The following CCND3 variants were observed in gnomAD, a reference collection of about 807,000 sequenced individuals.
CCND3 encodes the protein cyclin D3.
In CCND3, 9 loss-of-function variants were observed where a neutral mutation model predicts 28.7. That is an observed-to-expected ratio of 0.31 (90% confidence interval 0.19 to 0.55). CCND3 has a LOEUF of 0.55. CCND3 is among the 20% of genes least tolerant of loss of function. CCND3 has a pLI of 0.93. For missense variants in CCND3, 315 were observed against 385.8 expected (o/e 0.82, Z 1.54); for synonymous variants, 164 against 163.9 (o/e 1.00, Z 0.00).
At chr6:42,029,301 T>C (rs1286149513) in intron 1 of CCND3, among the ~76,000 whole-genome samples, 1 of 152,106 alleles carries the variant, frequency 6.6e-6, no homozygotes, top group Non-Finnish European at 1.5e-5. Context: ...TTGAAATTCT[T>C]AATAGTTTTT....
intron 1 of CCND3, chr6:42,031,296 C>A (rs1764035475): frequency 6.6e-6 from 1 of 152,270 alleles, no homozygotes; most frequent in Non-Finnish European, 1.5e-5. Context: ...ACTTCACCCA[C>A]CCCTAACTGC....
chr6:41,935,858 TG>T lies in CCND3; in HGVS notation c.*81del. On this transcript the variant is annotated 3_prime_UTR_variant, in exon 5 of 5. Coordinates refer to ENST00000372991, the MANE Select transcript of CCND3 (RefSeq NM_001760.5). ...ACAGACGCCCCTTCAGGCTTAGATGTGGTGTGGTTCCTGGAGGCAGGGAGGT... is the reference window on the plus strand; with the variant it reads ...ACAGACGCCCCTTCAGGCTTAGATGTGTGTGGTTCCTGGAGGCAGGGAGGT... 1 of 1,290,080 alleles carries T rather than the reference TG, an allele frequency of 7.8e-7. No homozygotes were observed. The highest frequency in any genetic ancestry group is 1.1e-6 in the Non-Finnish European group (1 of 912,120). 79.9% of individuals were successfully genotyped at this position (1,290,080 alleles called of 1,614,324 possible).
intron 1 of CCND3, among the ~76,000 whole-genome samples, chr6:42,030,414 A>G (rs767765992): frequency 2.0e-5 from 3 of 152,142 alleles, no homozygotes; most frequent in African/African-American, 2.4e-5. Flanking sequence ...ACCCCTAGAT[A>G]CTATGATGAG....
chr6:41,945,959 G>A (rs1458486034), upstream of CCND3, among the ~76,000 whole-genome samples: 2 of 152,132 alleles, frequency 1.3e-5, no homozygotes, highest in Admixed American at 6.6e-5. Flanking sequence ...TCTAAGAAAA[G>A]CAAAAGTTTG....
chr6:41,994,160 C>T (rs186332762), intron 1 of CCND3, among the ~76,000 whole-genome samples: 2 of 151,610 alleles, frequency 1.3e-5, no homozygotes, highest in South Asian at 2.1e-4. Flanking sequence ...ACCTTTTCCA[C>T]CTCTAGATAG....
rs967655006 is a variant in CCND3, at chr6:41,941,336, G to T, written c.198+116C>A. On this transcript the variant is annotated intron_variant, in intron 1 of 4. Transcript: ENST00000372991. The surrounding 1 kb of genome is among the most constrained non-coding windows in gnomAD (Gnocchi z 6.1). ...CCTAGTGAAAGGCCAGGCCCCGGGA[G>T]TCTTAGCCTCGGAGCATCCTGCAGA... The T allele has an allele frequency of 6.6e-7, 1 of 1,508,332 alleles. No homozygotes were observed. Among genetic ancestry groups the T allele is most frequent in the South Asian group, 1.3e-5 (1 of 77,900 alleles). The allele number at this position is 1,508,332 out of a possible 1,614,324, so 93.4% of individuals were successfully genotyped here.
chr6:42,036,409 T>A (rs1334277871), intron 1 of CCND3, among the ~76,000 whole-genome samples: 77 of 95,960 alleles, frequency 8.0e-4, no homozygotes, highest in Non-Finnish European at 1.1e-3. Context: ...ATATATTTTT[T>A]TTTTTTTTTT....
intron 1 of CCND3, among the ~76,000 whole-genome samples, chr6:41,949,789 A>G (rs1776257935): frequency 6.6e-6 from 1 of 151,638 alleles, no homozygotes; most frequent in Non-Finnish European, 1.5e-5. Flanking sequence ...GTCTCTCCTC[A>G]TAAAATAAGA....
At chr6:42,011,808 G>A (rs183241174) in intron 1 of CCND3, among the ~76,000 whole-genome samples, 77 of 152,258 alleles carry the variant, frequency 5.1e-4, no homozygotes, top group Non-Finnish European at 9.0e-4. Flanking sequence ...AGAGGCCACC[G>A]ACGACAGCGC....
chr6:41,964,445 T>G (rs542975289), intron 1 of CCND3, among the ~76,000 whole-genome samples: 1 of 132,330 alleles, frequency 7.6e-6, no homozygotes, highest in East Asian at 2.1e-4. Flanking sequence ...TATGTGTGAA[T>G]GTGTGAGTCT....
chr6:42,008,573 T>C (rs965222860), intron 1 of CCND3, among the ~76,000 whole-genome samples: 1 of 152,184 alleles, frequency 6.6e-6, no homozygotes, highest in African/African-American at 2.4e-5. Flanking sequence ...GGTTTTTAAT[T>C]ACAAAGTAAG....
intron 1 of CCND3, among the ~76,000 whole-genome samples, chr6:41,959,451 A>G (rs1042800099): frequency 1.3e-5 from 2 of 152,180 alleles, no homozygotes; most frequent in South Asian, 2.1e-4. Flanking sequence ...TTGGGAGGCC[A>G]AGGTGGGCAG....
In CCND3 at chr6:41,938,866, C is replaced by T. The variant is rs544020860; in HGVS notation, c.415-1472G>A. Among the ~76,000 whole-genome samples, 387 of 152,268 alleles carry T rather than the reference C, an allele frequency of 2.5e-3. 3 individuals are homozygous for T. Among genetic ancestry groups the T allele is most frequent in the African/African-American group, 8.8e-3 (366 of 41,546 alleles). On this transcript the variant is annotated intron_variant, in intron 2 of 4. Coordinates refer to ENST00000372991, the MANE Select transcript of CCND3 (RefSeq NM_001760.5). This position sits in a 1 kb window ranked among gnomAD's most constrained non-coding sequence, Gnocchi z 4.6. ...TCCTCTGCTGCACACGGATTTGGACCAACTGGAGTTCTCAGAGGTCCCTTC... is the reference window on the plus strand; with the variant it reads ...TCCTCTGCTGCACACGGATTTGGACTAACTGGAGTTCTCAGAGGTCCCTTC...
intron 1 of CCND3, among the ~76,000 whole-genome samples, chr6:41,964,901 T>G (rs1182709269): frequency 6.6e-6 from 1 of 152,098 alleles, no homozygotes; most frequent in Non-Finnish European, 1.5e-5. Flanking sequence ...CAGAAATCAC[T>G]GGAACTCAGT....
Position 41,939,051 on chromosome 6 carries a change from A to G in CCND3, c.414+1319T>C, listed in dbSNP as rs959560767. On this transcript the variant is annotated intron_variant, in intron 2 of 4. Coordinates refer to ENST00000372991, the MANE Select transcript of CCND3 (RefSeq NM_001760.5). The surrounding 1 kb of genome is among the most constrained non-coding windows in gnomAD (Gnocchi z 4.2). ...GTTCCCCTTCTACCTTCCAGCCCCA[A>G]CCCCTCCAAAAACATCTTGCTCTCT... Among the ~76,000 whole-genome samples the G allele has an allele frequency of 5.3e-5, 8 of 151,842 alleles. No homozygotes were observed. The highest frequency in any genetic ancestry group is 3.3e-4 in the Admixed American group (5 of 15,236).
At chr6:41,977,929 C>A (rs1331755062) in intron 1 of CCND3, among the ~76,000 whole-genome samples, 6 of 152,108 alleles carry the variant, frequency 3.9e-5, no homozygotes. Flanking sequence ...GCAGCACCAG[C>A]CTGTAGTCCC....
chr6:41,957,286 C>A (rs894605694), intron 1 of CCND3, among the ~76,000 whole-genome samples: 1 of 152,296 alleles, frequency 6.6e-6, no homozygotes, highest in South Asian at 2.1e-4. Flanking sequence ...AGTCCAAGGA[C>A]CTGCTTATCA....
rs574845287 is a variant in CCND3 at position 41,991,061 on chromosome 6, CT to C, written c.-45-50477del. On this transcript the variant is annotated intron_variant, in intron 1 of 4. Transcript: ENST00000372988. ...TCTTCAAGAAATGGTGCTGGGAAAA[CT>C]TTTTTTTTTTTTTAAGGCGGAATTT... Among the ~76,000 whole-genome samples, 994 of 141,954 alleles carry C rather than the reference CT, an allele frequency of 7.0e-3. 5 individuals are homozygous for C. The highest frequency in any genetic ancestry group is 0.016 in the African/African-American group (616 of 38,940). 93.1% of individuals were successfully genotyped at this position (141,954 alleles called of 152,430 possible).
At chr6:41,982,881 CAAAAAAAA>C (rs56117421) in intron 1 of CCND3, among the ~76,000 whole-genome samples, 1 of 94,424 alleles carries the variant, frequency 1.1e-5, no homozygotes, top group African/African-American at 3.8e-5. Context: ...CATCCACATG[CAAAAAAAA>C]AAAAAAAAAA....
Sources: gnomAD v4.1 joint callset for allele counts (sites outside exome capture counted in the v4.1 genomes callset) on GRCh38, gnomAD v4.1.1 for gene constraint, Gnocchi (gnomAD v3.1) non-coding constraint, MANE v1.5 for transcripts, NCBI Gene and HGNC (gene_info 2026-07-23, HGNC 2026-07-21) for gene names.